The following SLC9A9 variants were observed in gnomAD, a reference collection of about 807,000 sequenced individuals.
The protein encoded by SLC9A9 is solute carrier family 9 member A9.
In SLC9A9, 62 loss-of-function variants were observed where a neutral mutation model predicts 77.8. The ratio of observed to expected loss-of-function variants is 0.80; its 90% CI spans 0.65 to 0.98. The LOEUF is 0.98. Among genes scored for constraint, SLC9A9 ranks in the 50% least tolerant of loss-of-function variants. The pLI is 0.00. For missense variants in SLC9A9, 775 were observed against 774.9 expected (o/e 1.00, Z 0.00); for synonymous variants, 320 against 283.5 (o/e 1.13, Z -1.29).
chr3:143,360,819 G>A (rs2032733335), intron 14 of SLC9A9, among the ~76,000 whole-genome samples: 1 of 152,108 alleles, frequency 6.6e-6, no homozygotes, highest in African/African-American at 2.4e-5. Flanking sequence ...GGGTCAATCT[G>A]GCTAGACTAC....
chr3:143,765,728 T>C (rs2007293034), intron 4 of SLC9A9, among the ~76,000 whole-genome samples: 1 of 152,198 alleles, frequency 6.6e-6, no homozygotes, highest in Non-Finnish European at 1.5e-5. Flanking sequence ...TTATTCAGGA[T>C]ATATGGTGAA....
intron 8 of SLC9A9, 148 bp downstream of exon 8, chr3:143,573,940 C>T (rs2037312529): frequency 2.9e-6 from 2 of 700,128 alleles, no homozygotes; most frequent in Non-Finnish European, 5.2e-6. Context: ...TCCAGCGTAC[C>T]CAAGAGAGGC....
intron 12 of SLC9A9, among the ~76,000 whole-genome samples, chr3:143,418,220 G>A (rs2034232599): frequency 6.6e-6 from 1 of 151,626 alleles, no homozygotes; most frequent in African/African-American, 2.4e-5. Context: ...GATGTGGGAG[G>A]AGGAAATAAG....
intron 4 of SLC9A9, among the ~76,000 whole-genome samples, chr3:143,794,346 C>A (rs190931094): frequency 2.0e-3 from 300 of 151,648 alleles, no homozygotes; most frequent in African/African-American, 6.7e-3. Context: ...TGCAGTGGAG[C>A]TTTAATGTAT....
intron 4 of SLC9A9, among the ~76,000 whole-genome samples, chr3:143,762,140 A>G (rs1444267807): frequency 6.6e-6 from 1 of 152,124 alleles, no homozygotes; most frequent in Non-Finnish European, 1.5e-5. Context: ...GAATTGAACA[A>G]TGAGAACACT....
chr3:143,374,993 T>A (rs564888720), intron 13 of SLC9A9, among the ~76,000 whole-genome samples: 1 of 152,224 alleles, frequency 6.6e-6, no homozygotes, highest in African/African-American at 2.4e-5. Flanking sequence ...TGAGTTCAAT[T>A]GTTCAATTGG....
intron 2 of SLC9A9, among the ~76,000 whole-genome samples, chr3:143,805,586 G>A (rs2008688832): frequency 6.6e-6 from 1 of 152,112 alleles, no homozygotes; most frequent in African/African-American, 2.4e-5. Context: ...AAAATGGCTG[G>A]TTCCTGCCTT....
intron 12 of SLC9A9, among the ~76,000 whole-genome samples, chr3:143,462,545 C>CTA (rs2035212370): frequency 6.6e-6 from 1 of 152,222 alleles, no homozygotes; most frequent in Admixed American, 6.5e-5. Flanking sequence ...TAACAAATTC[C>CTA]TATAAGTACC....
chr3:143,802,399 C>CT (rs2008588009), intron 2 of SLC9A9, among the ~76,000 whole-genome samples: 1 of 152,156 alleles, frequency 6.6e-6, no homozygotes. Context: ...CCTCCCTTCC[C>CT]TACACATCAA....
chr3:143,725,590 C>T (rs1934628416), intron 4 of SLC9A9, among the ~76,000 whole-genome samples: 1 of 141,532 alleles, frequency 7.1e-6, no homozygotes, highest in Non-Finnish European at 1.6e-5. Context: ...TTTGTAGGGA[C>T]ATGGATGAAA....
At chr3:143,628,908 A>G (rs189992357) in intron 6 of SLC9A9, among the ~76,000 whole-genome samples, 98 of 152,336 alleles carry the variant, frequency 6.4e-4, no homozygotes, top group Admixed American at 6.3e-3. Context: ...AAAACTTCTT[A>G]TTGAGCAAAA....
At position 143,518,094 on chromosome 3, in the gene SLC9A9, T is replaced by C. The variant is rs977534429; in HGVS notation, c.1090-22646A>G. The C allele has an allele frequency of 3.2e-6, 5 of 1,571,366 alleles. No individual in the cohort carries two copies. The African/African-American group carries it at 6.7e-5, about 21-fold the overall frequency. On this transcript the variant is annotated intron_variant, in intron 9 of 15. Coordinates refer to ENST00000316549, the MANE Select transcript of SLC9A9 (RefSeq NM_173653.4). ...TTTTCTTCTGATTTAGCTTTCTGAGTAGCAGGTGGTACTTTACCTCCCATG... is the reference window on the plus strand; with the variant it reads ...TTTTCTTCTGATTTAGCTTTCTGAGCAGCAGGTGGTACTTTACCTCCCATG...
intron 9 of SLC9A9, among the ~76,000 whole-genome samples, chr3:143,513,883 G>A (rs13079678): frequency 0.26 from 38,911 of 152,026 alleles, 6,061 homozygotes; most frequent in Non-Finnish European, 0.36. Flanking sequence ...TGTGCACAAC[G>A]TGCAGGTTTG....
chr3:143,670,083 C>T (rs2039134490), intron 5 of SLC9A9, among the ~76,000 whole-genome samples: 1 of 152,202 alleles, frequency 6.6e-6, no homozygotes, highest in South Asian at 2.1e-4. Flanking sequence ...CTTCCTTTCT[C>T]ACAAATTACT....
At chr3:143,839,456 T>C (rs2009650935) in intron 1 of SLC9A9, among the ~76,000 whole-genome samples, 1 of 151,984 alleles carries the variant, frequency 6.6e-6, no homozygotes, top group African/African-American at 2.4e-5. Flanking sequence ...GAGTGGGGTG[T>C]CTAATGTCCA....
At position 143,493,661 on chromosome 3, in the gene SLC9A9, A is replaced by G; in HGVS notation, c.1307T>C (p.Met436Thr). 2 of 1,612,848 alleles carry G rather than the reference A, an allele frequency of 1.2e-6. No individual in the cohort carries two copies. The highest frequency in any genetic ancestry group is 1.7e-6 in the Non-Finnish European group (2 of 1,178,792). Reference protein sequence around the residue: ...KIPWNFQHMMMFSGLRGAIAF... With the variant: ...KIPWNFQHMMTFSGLRGAIAF... ...TAACATAGTTCACATACCTGAAAAC[A>G]TCATCATGTGCTGAAAGTTCCAGGG... is the stretch of plus-strand genomic sequence containing the variant. The change falls in exon 11 of 16, where the codon ATG (methionine) becomes ACG (threonine). Residue 436 changes from methionine (M) to threonine (T), a missense_variant. Met to Thr is a moderately conservative substitution (Grantham distance 81). Coordinates refer to ENST00000316549, the MANE Select transcript of SLC9A9 (RefSeq NM_173653.4).
chr3:143,585,162 T>C (rs746055), intron 6 of SLC9A9, among the ~76,000 whole-genome samples: 16,968 of 152,202 alleles, frequency 0.11, 1,154 homozygotes, highest in East Asian at 0.15. Flanking sequence ...ACTTCCAGCC[T>C]ATTTCCTTGG....
chr3:143,277,273 C>T (rs551271009), intron 14 of SLC9A9, among the ~76,000 whole-genome samples: 3 of 152,302 alleles, frequency 2.0e-5, no homozygotes, highest in Non-Finnish European at 2.9e-5. Flanking sequence ...AGAAGAAAGT[C>T]GAAACCCAGT....
intron 14 of SLC9A9, among the ~76,000 whole-genome samples, chr3:143,358,969 C>G (rs10513206): frequency 0.039 from 5,888 of 152,258 alleles, 189 homozygotes; most frequent in East Asian, 0.18. Flanking sequence ...TCAGCTCAAG[C>G]AATAGGGATT....
Sources: gnomAD v4.1 joint callset for allele counts (sites outside exome capture counted in the v4.1 genomes callset) on GRCh38, gnomAD v4.1.1 for gene constraint, MANE v1.5 for transcripts, NCBI Gene and HGNC (gene_info 2026-07-23, HGNC 2026-07-21) for gene names.